The following LPIN2 variants were observed in gnomAD, a reference collection of about 807,000 sequenced individuals.
LPIN2 encodes the protein phosphatidate phosphatase LPIN2.
Under a neutral mutation model 111.4 loss-of-function variants are expected in LPIN2, and 55 were observed. That is an observed-to-expected ratio of 0.49 (90% CI 0.40 to 0.62). LPIN2 has a LOEUF of 0.62. LPIN2 is among the 20% of genes least tolerant of loss of function. LPIN2 has a pLI of 0.00. For synonymous variants in LPIN2, 425 were observed against 414.0 expected, an observed-to-expected ratio of 1.03 and a Z score of -0.32; for missense variants, 992 against 1,112.1, an observed-to-expected ratio of 0.89 and a Z score of 1.54.
chr18:2,939,734 G>C, intron 5 of LPIN2, 131 bp from the exon 6 acceptor site: 2 of 912,164 alleles, frequency 2.2e-6, no homozygotes, highest in African/African-American at 1.7e-5. Context: ...CTCTATGGAA[G>C]GGAGCATCAA....
intron 1 of LPIN2, among the ~76,000 whole-genome samples, chr18:2,997,705 A>C (rs1351422150): frequency 6.6e-6 from 1 of 152,214 alleles, no homozygotes; most frequent in Non-Finnish European, 1.5e-5. Context: ...AGTATAACTC[A>C]AAAAGAAACA....
At chr18:2,975,676 T>C (rs2078001101) in intron 1 of LPIN2, among the ~76,000 whole-genome samples, 1 of 152,208 alleles carries the variant, frequency 6.6e-6, no homozygotes, top group African/African-American at 2.4e-5. Context: ...CATAAAAGTG[T>C]GTTTTAAGGG....
intron 3 of LPIN2, 95 bp from the exon 4 acceptor site, chr18:2,951,451 A>T (rs1254048830): frequency 1.6e-4 from 2 of 12,362 alleles, no homozygotes; most frequent in Non-Finnish European, 3.0e-4. Flanking sequence ...CACCATGGTA[A>T]AAAAAAAAAA....
rs1184645275 is a variant in LPIN2 at position 2,926,885 on chromosome 18, A to G, written c.1711-80T>C. 9 of 1,083,328 alleles carry G rather than the reference A, an allele frequency of 8.3e-6. No individual in the cohort carries two copies. The Admixed American group carries it at 1.7e-4, about 20-fold the overall frequency. 67.1% of individuals were successfully genotyped at this position (1,083,328 alleles called of 1,614,324 possible). On this transcript the variant is annotated intron_variant, in intron 12 of 19. Transcript: ENST00000677752. ...AAGTTCATCAGCAGCCCTCTCTAGG[A>G]AAGAACACAACTGCCTTCTGAACCC...
intron 11 of LPIN2, 39 bp from the exon 12 acceptor site, chr18:2,927,850 T>G: frequency 6.5e-7 from 1 of 1,545,792 alleles, no homozygotes; most frequent in Non-Finnish European, 8.9e-7. Context: ...GGCAATCTAC[T>G]GGCCACACAG....
chr18:2,997,592 G>A (rs1001459781), intron 1 of LPIN2, among the ~76,000 whole-genome samples: 4 of 152,178 alleles, frequency 2.6e-5, no homozygotes, highest in Non-Finnish European at 5.9e-5. Flanking sequence ...ATCAAAAGGT[G>A]ACTTCTGCTG....
Position 2,922,339 on chromosome 18 carries a change from A to T in LPIN2, c.2175-140T>A. On this transcript the variant is annotated intron_variant, in intron 16 of 19. Transcript: ENST00000677752. The stretch of plus-strand genomic sequence containing the variant: ...ACCCAGGCTGGAGTGCTGTGGCGCC[A>T]TCTCGGCTCACTGCAACCTCCACCT... 1.1e-5 allele frequency: 10 copies of T among 947,296 alleles called. No homozygotes were observed. In the South Asian group the frequency reaches 1.4e-4, roughly 13 times the overall value. The allele number at this position is 947,296 out of a possible 1,614,324, so 58.7% of individuals were successfully genotyped here. A position where few individuals can be genotyped will look rare whatever the true frequency, so the allele number is the denominator to read the frequency against.
At chr18:3,012,561 G>A (rs1012649419) in intron 1 of LPIN2, among the ~76,000 whole-genome samples, 22 of 152,202 alleles carry the variant, frequency 1.4e-4, no homozygotes, top group African/African-American at 5.3e-4. Flanking sequence ...GGAGGTACGG[G>A]GCAAAGCGCG....
At chr18:2,932,421 T>G (rs2077223273) in intron 8 of LPIN2, among the ~76,000 whole-genome samples, 1 of 152,236 alleles carries the variant, frequency 6.6e-6, no homozygotes, top group South Asian at 2.1e-4. Context: ...GGTAACAGTT[T>G]CAAAACCTGT....
At chr18:2,923,677 C>G in intron 16 of LPIN2, 98 bp downstream of exon 16, 1 of 1,024,976 alleles carries the variant, frequency 9.8e-7, no homozygotes, top group Non-Finnish European at 1.5e-6. Flanking sequence ...AGCATAAACA[C>G]ATGACTCATG....
intron 17 of LPIN2, 32 bp from the exon 18 acceptor site, chr18:2,921,679 C>T (rs781085060): frequency 3.4e-6 from 5 of 1,483,476 alleles, no homozygotes; most frequent in Non-Finnish European, 3.8e-6. Context: ...AATCACCAAT[C>T]TCAAAATGGT....
intron 1 of LPIN2, among the ~76,000 whole-genome samples, 181 bp downstream of exon 1, chr18:3,012,906 G>C (rs553309047): frequency 1.3e-4 from 19 of 151,568 alleles, no homozygotes; most frequent in Middle Eastern, 3.4e-3. Flanking sequence ...GGACTGGGAC[G>C]CGAGGACCGG....
Position 2,928,618 on chromosome 18 carries a change from C to G in LPIN2, c.1593G>C (p.Leu531Phe), listed in dbSNP as rs373710672. The G allele has an allele frequency of 9.3e-6, 15 of 1,613,422 alleles. No individual in the cohort carries two copies. In the African/African-American group the frequency reaches 2.0e-4, roughly 22 times the overall value. The change falls in exon 11 of 20, where the codon TTG (leucine) becomes TTC (phenylalanine). Residue 531 changes from leucine (L) to phenylalanine (F), a missense_variant. Physicochemically the swap from Leu to Phe is conservative, Grantham distance 22. Around this residue, in one of 4 missense-constraint regions of LPIN2, gnomAD observed 709 missense variants for 753.2 expected, o/e 0.94. Transcript: ENST00000677752. ...TAGGCAAGCTCTTCTGGAATACTTG[C>G]AAGCTAAGGATCATGGGAGCTGCCA... is the stretch of plus-strand genomic sequence containing the variant. ...WALAAPMILSLQVFQKSLPKA... is the reference protein window; with the variant it reads ...WALAAPMILSFQVFQKSLPKA...
chr18:2,921,124 CAG>C (rs1291482983), intron 18 of LPIN2: 7 of 583,852 alleles, frequency 1.2e-5, no homozygotes, highest in African/African-American at 5.6e-5. Context: ...CAGAAGAGGC[CAG>C]AGAGGCCACA....
intron 19 of LPIN2, 77 bp from the exon 20 acceptor site, chr18:2,920,514 G>T: frequency 6.6e-7 from 1 of 1,525,414 alleles, no homozygotes; most frequent in Non-Finnish European, 9.1e-7. Flanking sequence ...GGGCTGTGAA[G>T]CTGTCACTCA....
Position 2,937,917 on chromosome 18 carries a change from C to T in LPIN2, c.943G>A (p.Ala315Thr), listed in dbSNP as rs747171291. 6.2e-7 allele frequency: 1 copy of T among 1,614,140 alleles called. No homozygotes were observed. Among genetic ancestry groups the T allele is most frequent in the South Asian group, 1.1e-5 (1 of 91,072 alleles). The change falls in exon 7 of 20, where the codon GCT becomes ACT. Residue 315 changes from alanine to threonine, a missense_variant. Ala to Thr is a moderately conservative substitution (Grantham distance 58). Around this residue, in one of 4 missense-constraint regions of LPIN2, gnomAD observed 709 missense variants for 753.2 expected, o/e 0.94. Transcript: ENST00000677752. ...DNLISEVEKD[A>T]SMEDTVCTIV... ...GTACAGACAGTGTCTTCCATGGAAG[C>T]ATCCTTCTCAACTTCACTGATGAGG...
chr18:2,921,464 C>T, intron 18 of LPIN2, 69 bp downstream of exon 18: 1 of 1,162,608 alleles, frequency 8.6e-7, no homozygotes, highest in South Asian at 1.2e-5. Flanking sequence ...TGGGACGTGG[C>T]TACACCCCAC....
intron 2 of LPIN2, among the ~76,000 whole-genome samples, chr18:2,958,140 T>A (rs1230423441): frequency 1.7e-4 from 1 of 5,898 alleles, no homozygotes; most frequent in African/African-American, 8.4e-4. Context: ...AGACTCCATC[T>A]CAAAAAAAAA....
At chr18:2,993,983 T>C (rs1432906484) in intron 1 of LPIN2, among the ~76,000 whole-genome samples, 1 of 152,192 alleles carries the variant, frequency 6.6e-6, no homozygotes, top group Admixed American at 6.5e-5. Flanking sequence ...CACACTGCTA[T>C]TTGAAAGATG....
Sources: gnomAD v4.1 joint callset for allele counts (sites outside exome capture counted in the v4.1 genomes callset) on GRCh38, gnomAD v4.1.1 for gene constraint, gnomAD v4.1.1 regional missense constraint, MANE v1.5 for transcripts, NCBI Gene and HGNC (gene_info 2026-07-23, HGNC 2026-07-21) for gene names.